The following CREB5 variants were observed in gnomAD, a reference collection of about 807,000 sequenced individuals.
The protein encoded by CREB5 is cAMP responsive element binding protein 5.
In CREB5, 19 loss-of-function variants were observed where a neutral mutation model predicts 57.1. The ratio of observed to expected loss-of-function variants is 0.33; its 90% confidence interval spans 0.23 to 0.49. The LOEUF is 0.49. CREB5 is among the 20% of genes least tolerant of loss of function. The probability of loss-of-function intolerance (pLI) is 0.99; values close to 1 mark genes in which losing one functional copy is unlikely to be tolerated. For missense variants in CREB5, 579 were observed against 671.6 expected (o/e 0.86, Z 1.52); for synonymous variants, 238 against 238.3 (o/e 1.00, Z 0.01).
chr7:28,520,720 A>C (rs1793170236), intron 4 of CREB5, among the ~76,000 whole-genome samples: 1 of 152,258 alleles, frequency 6.6e-6, no homozygotes, highest in Non-Finnish European at 1.5e-5. Context: ...CAGAGCACAC[A>C]CTTTGTGATT....
At chr7:28,382,743 C>G (rs946141287) in intron 1 of CREB5, among the ~76,000 whole-genome samples, 1 of 151,746 alleles carries the variant, frequency 6.6e-6, no homozygotes. Flanking sequence ...ATTCTCAACA[C>G]CCCCCTCACC....
chr7:28,394,825 A>G (rs1432773123), intron 1 of CREB5, among the ~76,000 whole-genome samples: 1 of 152,218 alleles, frequency 6.6e-6, no homozygotes, highest in Non-Finnish European at 1.5e-5. Context: ...TTAGAAATTC[A>G]TCCTCTAACC....
chr7:28,435,982 T>A (rs1054618108), intron 1 of CREB5, among the ~76,000 whole-genome samples: 5 of 152,186 alleles, frequency 3.3e-5, no homozygotes, highest in Admixed American at 3.3e-4. Context: ...AGACTGAAAG[T>A]GTCACAGAAC....
chr7:28,326,974 C>T (rs1362685304), intron 1 of CREB5, among the ~76,000 whole-genome samples: 1 of 151,814 alleles, frequency 6.6e-6, no homozygotes, highest in Non-Finnish European at 1.5e-5. Flanking sequence ...ACGGCGAAAC[C>T]CTGTCTTGAG....
chr7:28,601,509 C>T (rs1014786466), intron 5 of CREB5, among the ~76,000 whole-genome samples: 4 of 152,064 alleles, frequency 2.6e-5, no homozygotes, highest in Admixed American at 6.6e-5. Flanking sequence ...CTATGGGCCT[C>T]AGTTTCCTCA....
chr7:28,509,064 T>C (rs1394156556), intron 4 of CREB5, among the ~76,000 whole-genome samples: 1 of 152,172 alleles, frequency 6.6e-6, no homozygotes, highest in East Asian at 1.9e-4. Context: ...TTTGGTTGAG[T>C]AATAAATTTT....
chr7:28,330,649 A>G (rs767965737), intron 1 of CREB5, among the ~76,000 whole-genome samples: 3 of 151,588 alleles, frequency 2.0e-5, no homozygotes, highest in Non-Finnish European at 4.4e-5. Context: ...ACCACAGACT[A>G]TGAACTGAGT....
At chr7:28,445,725 G>A (rs1789423127) in intron 1 of CREB5, among the ~76,000 whole-genome samples, 1 of 151,776 alleles carries the variant, frequency 6.6e-6, no homozygotes, top group South Asian at 2.1e-4. Flanking sequence ...CTAATTTTTT[G>A]TATTTTTAGT....
intron 7 of CREB5, 31 bp downstream of exon 7, chr7:28,724,363 A>G: frequency 2.6e-6 from 4 of 1,563,548 alleles, no homozygotes; most frequent in Non-Finnish European, 3.5e-6. Context: ...CCCTTTCATT[A>G]TTCTGTGACT....
intron 5 of CREB5, among the ~76,000 whole-genome samples, chr7:28,671,683 C>G (rs184208414): frequency 4.7e-4 from 72 of 152,276 alleles, no homozygotes; most frequent in African/African-American, 1.6e-3. Context: ...GAAAAAGCAA[C>G]AAGGTGTGGT....
chr7:28,703,109 A>G (rs1801946217), intron 5 of CREB5, among the ~76,000 whole-genome samples: 1 of 152,238 alleles, frequency 6.6e-6, no homozygotes, highest in African/African-American at 2.4e-5. Flanking sequence ...GGGAAATGTC[A>G]TGACCAGATC....
intron 1 of CREB5, among the ~76,000 whole-genome samples, chr7:28,397,991 C>A (rs1029659596): frequency 6.6e-6 from 1 of 152,018 alleles, no homozygotes; most frequent in African/African-American, 2.4e-5. Flanking sequence ...ATGTACAATT[C>A]AGTGATACTA....
intron 1 of CREB5, among the ~76,000 whole-genome samples, chr7:28,400,810 C>T (rs1040501207): frequency 5.9e-5 from 9 of 152,108 alleles, no homozygotes; most frequent in East Asian, 3.8e-4. Context: ...CCTTCCCCAT[C>T]GGCAGTACAT....
At chr7:28,697,406 G>A (rs757163654) in intron 5 of CREB5, among the ~76,000 whole-genome samples, 45 of 152,136 alleles carry the variant, frequency 3.0e-4, no homozygotes, top group Non-Finnish European at 4.7e-4. Context: ...TTCAAACTGA[G>A]GGTACCCTCA....
At chr7:28,812,072 A>G (rs1332351852) in intron 9 of CREB5, among the ~76,000 whole-genome samples, 1 of 152,172 alleles carries the variant, frequency 6.6e-6, no homozygotes, top group African/African-American at 2.4e-5. Flanking sequence ...TCTTCCAACT[A>G]TGACAACCAA....
At chr7:28,517,033 CAG>C (rs1792991581) in intron 4 of CREB5, among the ~76,000 whole-genome samples, 1 of 152,172 alleles carries the variant, frequency 6.6e-6, no homozygotes, top group South Asian at 2.1e-4. Flanking sequence ...TGCAGGAAAA[CAG>C]ATCTGTTTTC....
rs941292037 is a variant in CREB5, at chr7:28,824,759, G to C, written c.*5480G>C. On this transcript the variant is annotated 3_prime_UTR_variant, in exon 11 of 11. Coordinates refer to ENST00000357727, the MANE Select transcript of CREB5 (RefSeq NM_182898.4). Reference sequence around the variant, plus strand: ...TTATATATTTTTTTCCTTATAAATTGTCTATTTTTTAAAAAAGCTATTTAA... The same window carrying C: ...TTATATATTTTTTTCCTTATAAATTCTCTATTTTTTAAAAAAGCTATTTAA... 1 of 152,466 alleles carries C rather than the reference G, an allele frequency of 6.6e-6. No individual in the cohort carries two copies. Among genetic ancestry groups the C allele is most frequent in the African/African-American group, 2.4e-5 (1 of 41,406 alleles). The allele number at this position is 152,466 out of a possible 1,614,324, so 9.4% of individuals were successfully genotyped here.
At chr7:28,705,397 A>AAAGAG (rs1441660638) in intron 5 of CREB5, among the ~76,000 whole-genome samples, 1 of 151,424 alleles carries the variant, frequency 6.6e-6, no homozygotes, top group Non-Finnish European at 1.5e-5. Context: ...AAAGAAAAGA[A>AAAGAG]AACCAAGCTA....
chr7:28,789,704 A>G (rs1172975010), intron 7 of CREB5, among the ~76,000 whole-genome samples: 1 of 152,218 alleles, frequency 6.6e-6, no homozygotes, highest in African/African-American at 2.4e-5. Context: ...GGATTCAAAG[A>G]GAAGTGTAAC....
Sources: allele counts gnomAD v4.1 joint callset (sites outside exome capture counted in the v4.1 genomes callset), GRCh38; gene constraint gnomAD v4.1.1; transcripts MANE v1.5; gene names NCBI Gene and HGNC (gene_info 2026-07-23, HGNC 2026-07-21).